The following PRRC2B variants were observed in gnomAD, a reference collection of about 807,000 sequenced individuals.
PRRC2B encodes protein PRRC2B.
Under a neutral mutation model 242.3 loss-of-function variants are expected in PRRC2B, and 68 were observed. The observed-to-expected ratio is 0.28, with a 90% confidence interval of 0.23 to 0.34. The LOEUF is 0.34. Ranked by LOEUF, PRRC2B falls within the 10% of genes least tolerant of loss-of-function variation. The pLI is 1.00. For missense variants in PRRC2B, 2,835 were observed against 2,954.8 expected (o/e 0.96, Z 0.94); for synonymous variants, 1,228 against 1,173.6 (o/e 1.05, Z -0.95).
At chr9:131,408,178 C>T (rs1215357505) in intron 1 of PRRC2B, among the ~76,000 whole-genome samples, 2 of 152,238 alleles carry the variant, frequency 1.3e-5, no homozygotes, top group African/African-American at 4.8e-5. Context: ...GGGCGTCTGA[C>T]TCCCATGTAA....
At chr9:131,400,349 T>C (rs1837195430) in intron 1 of PRRC2B, among the ~76,000 whole-genome samples, 1 of 151,756 alleles carries the variant, frequency 6.6e-6, no homozygotes, top group Non-Finnish European at 1.5e-5. Flanking sequence ...GATGGCATCT[T>C]GTTCTGTTGC....
At chr9:131,415,074 C>A (rs1000444262) in intron 1 of PRRC2B, among the ~76,000 whole-genome samples, 1 of 152,076 alleles carries the variant, frequency 6.6e-6, no homozygotes, top group Non-Finnish European at 1.5e-5. Flanking sequence ...TTCACTGTAA[C>A]CTCTGCCTCA....
At chr9:131,488,191 A>T in intron 28 of PRRC2B, 95 bp downstream of exon 28, 1 of 1,471,784 alleles carries the variant, frequency 6.8e-7, no homozygotes, top group East Asian at 2.4e-5. Context: ...GTGCTGGCCT[A>T]TCGTGCTGTT....
In PRRC2B at chr9:131,494,508, C is replaced by G; in HGVS notation, c.6555+22C>G. 7.1e-7 allele frequency: 1 copy of G among 1,402,296 alleles called. No homozygotes were observed. The highest frequency in any genetic ancestry group is 1.2e-5 in the South Asian group (1 of 82,848). 86.9% of individuals were successfully genotyped at this position (1,402,296 alleles called of 1,614,324 possible). ...ACAGGTAGAAGATGGCTTTCCAGACCCTTCAGCCCTGGACACTTAGGCCCG... is the reference window on the plus strand; with the variant it reads ...ACAGGTAGAAGATGGCTTTCCAGACGCTTCAGCCCTGGACACTTAGGCCCG... On this transcript the variant is annotated intron_variant, in intron 31 of 31. Transcript: ENST00000683519. This position sits in a 1 kb window ranked among gnomAD's most constrained non-coding sequence, Gnocchi z 4.3.
intron 1 of PRRC2B, among the ~76,000 whole-genome samples, chr9:131,396,399 C>A (rs977905838): frequency 6.7e-6 from 1 of 148,792 alleles, no homozygotes; most frequent in African/African-American, 2.5e-5. Flanking sequence ...GATCTCAGCT[C>A]ACTGCAACCT....
chr9:131,378,049 G>A (rs1413357125), intron 1 of PRRC2B, among the ~76,000 whole-genome samples: 1 of 152,074 alleles, frequency 6.6e-6, no homozygotes, highest in Non-Finnish European at 1.5e-5. Context: ...GGTGGCTTAC[G>A]CTTGTAATCC....
chr9:131,420,506 T>TCTTTCTTTCTTTCTTTCTTTC (rs1005688310), intron 1 of PRRC2B, among the ~76,000 whole-genome samples: 1 of 124,682 alleles, frequency 8.0e-6, no homozygotes, highest in Non-Finnish European at 1.7e-5. Flanking sequence ...TTTTTTTTTT[T>TCTTTCTTTCTTTCTTTCTTTC]TTTTGAGATG....
rs1486248325 is a variant in PRRC2B at position 131,444,414 on chromosome 9, C to T, written c.613+86C>T. On this transcript the variant is annotated intron_variant, in intron 6 of 31. Coordinates refer to ENST00000683519, the MANE Select transcript of PRRC2B (RefSeq NM_013318.4). ...CTGCACTCCTAAAAGGGTGCTGATG[C>T]CACTGGGGTCTCCGGTTCGAGCTGG... The T allele has an allele frequency of 4.2e-6, 6 of 1,418,772 alleles. No individual in the cohort carries two copies. In the East Asian group the frequency reaches 1.3e-4, roughly 30 times the overall value. The allele number at this position is 1,418,772 out of a possible 1,614,324, so 87.9% of individuals were successfully genotyped here.
chr9:131,465,416 TTAAACTA>T (rs1943366985), intron 12 of PRRC2B, among the ~76,000 whole-genome samples: 1 of 152,178 alleles, frequency 6.6e-6, no homozygotes, highest in Admixed American at 6.5e-5. Flanking sequence ...TCTGAACTTG[TTAAACTA>T]GCTGGTGAGC....
intron 1 of PRRC2B, among the ~76,000 whole-genome samples, chr9:131,415,770 T>C (rs1253504843): frequency 6.6e-6 from 1 of 152,202 alleles, no homozygotes; most frequent in East Asian, 1.9e-4. Flanking sequence ...GGATGACTTT[T>C]AGAAGCTTTT....
At chr9:131,439,919 C>G (rs945526882) in intron 5 of PRRC2B, among the ~76,000 whole-genome samples, 8 of 150,792 alleles carry the variant, frequency 5.3e-5, no homozygotes, top group Admixed American at 1.3e-4. Context: ...TTTTTTCTTT[C>G]CATTCTGAGT....
intron 19 of PRRC2B, among the ~76,000 whole-genome samples, chr9:131,479,760 C>T (rs1025212391): frequency 6.6e-6 from 1 of 152,124 alleles, no homozygotes; most frequent in Non-Finnish European, 1.5e-5. Context: ...GACAGATAGA[C>T]CAGCCGCAAG....
intron 1 of PRRC2B, among the ~76,000 whole-genome samples, chr9:131,401,710 G>T (rs1371974345): frequency 6.6e-6 from 1 of 152,030 alleles, no homozygotes; most frequent in Non-Finnish European, 1.5e-5. Flanking sequence ...GCCCAGGCTG[G>T]AGTGCAATGG....
chr9:131,436,165 G>A (rs1433574025), intron 3 of PRRC2B, among the ~76,000 whole-genome samples: 1 of 152,144 alleles, frequency 6.6e-6, no homozygotes, highest in Non-Finnish European at 1.5e-5. Flanking sequence ...TTTAGTTTTT[G>A]CAGACAGAAG....
At chr9:131,409,538 G>A (rs1837452706) in intron 1 of PRRC2B, among the ~76,000 whole-genome samples, 1 of 152,184 alleles carries the variant, frequency 6.6e-6, no homozygotes, top group African/African-American at 2.4e-5. Flanking sequence ...AACATGTATT[G>A]GTTACAAAGA....
At chr9:131,481,305 C>T (rs555375188) in intron 19 of PRRC2B, among the ~76,000 whole-genome samples, 4 of 67,256 alleles carry the variant, frequency 5.9e-5, no homozygotes, top group East Asian at 3.9e-4. Flanking sequence ...AGCAAGACTC[C>T]GTCTCCAAAA....
In PRRC2B at chr9:131,477,793, A is replaced by T; in HGVS notation, c.4456A>T (p.Ser1486Cys). 1 of 1,610,688 alleles carries T rather than the reference A, an allele frequency of 6.2e-7. No individual in the cohort carries two copies. The highest frequency in any genetic ancestry group is 8.5e-7 in the Non-Finnish European group (1 of 1,178,544). ...AGGTCTTAGTGGCTGCAGCAGTGGG[A>T]GTGGCCACTCCCCCTATGCCCTGGA... is the stretch of plus-strand genomic sequence containing the variant. ...PGGLSGCSSG[S>C]GHSPYALERA... is the part of the protein sequence containing the mutation. The change falls in exon 17 of 32, where the codon AGT becomes TGT. Residue 1486 changes from serine to cysteine, a missense_variant. By Grantham distance (112) the Ser-to-Cys change is moderately radical. Coordinates refer to ENST00000683519, the MANE Select transcript of PRRC2B (RefSeq NM_013318.4).
chr9:131,438,625 C>A (rs995328622), intron 4 of PRRC2B, among the ~76,000 whole-genome samples: 3 of 152,172 alleles, frequency 2.0e-5, no homozygotes, highest in African/African-American at 7.2e-5. Context: ...GTCTTTGTCG[C>A]TGGAGCAAAA....
At position 131,473,544 on chromosome 9, in the gene PRRC2B, A is replaced by G. The variant is rs780986439; in HGVS notation, c.2144A>G (p.Asn715Ser). ...CCCATGATGCCCCAGGAGTCCCTCA[A>G]TGGGACAGGCTGTCGCTCTGAGGAT... Reference protein sequence around the residue: ...MKPMMPQESLNGTGCRSEDQN... With the variant: ...MKPMMPQESLSGTGCRSEDQN... The change falls in exon 15 of 32, where the codon AAT becomes AGT. Residue 715 changes from asparagine to serine, a missense_variant. Transcript: ENST00000683519. 24 of 1,608,766 alleles carry G rather than the reference A, an allele frequency of 1.5e-5. No individual in the cohort carries two copies. In the Middle Eastern group the frequency reaches 4.9e-4, roughly 33 times the overall value.
Sources: gnomAD v4.1 joint callset for allele counts (sites outside exome capture counted in the v4.1 genomes callset) on GRCh38, gnomAD v4.1.1 for gene constraint, Gnocchi (gnomAD v3.1) non-coding constraint, MANE v1.5 for transcripts, NCBI Gene and HGNC (gene_info 2026-07-23, HGNC 2026-07-21) for gene names.